Variants in INTS2 observed in about 807,000 individuals in gnomAD.
The protein encoded by INTS2 is integrator complex subunit 2, also known as KIAA1287.
In INTS2, 57 loss-of-function variants were observed where a neutral mutation model predicts 139.6. That is an observed-to-expected ratio of 0.41 (90% CI 0.33 to 0.51). The LOEUF is 0.51. Ranked by LOEUF, INTS2 falls within the 20% of genes least tolerant of loss-of-function variation. The probability of loss-of-function intolerance (pLI) is 0.28; values close to 1 mark genes in which losing one functional copy is unlikely to be tolerated. For synonymous variants in INTS2, 473 were observed against 493.4 expected (o/e 0.96, Z 0.55); for missense variants, 1,196 against 1,436.7 (o/e 0.83, Z 2.71).
intron 8 of INTS2, among the ~76,000 whole-genome samples, chr17:61,907,049 C>T (rs184070779): frequency 1.5e-4 from 22 of 142,198 alleles, no homozygotes; most frequent in Admixed American, 5.0e-4. Context: ...TAAAAGGAAA[C>T]AAAGGAGAGA....
chr17:61,919,453 C>A lies in INTS2; in HGVS notation c.596G>T (p.Gly199Val), dbSNP rs1336083118. Residue 199 changes from glycine to valine, a missense_variant, in exon 5 of 25, where the codon GGT (glycine) becomes GTT (valine). Gly to Val is a moderately radical substitution (Grantham distance 109). Around this residue, in one of 3 missense-constraint regions of INTS2, gnomAD observed 1,129 missense variants for 1,341.9 expected, o/e 0.84. Transcript: ENST00000251334. Reference protein sequence around the residue: ...VAEALLHVRNGAWFLCLLVAN... With the variant: ...VAEALLHVRNVAWFLCLLVAN... ...CACCAAGAGACACAAGAACCAGGCA[C>A]CATTTCTAACATGTAGCAAAGCTTC... is the stretch of plus-strand genomic sequence containing the variant. 6.2e-7 allele frequency: 1 copy of A among 1,603,158 alleles called. No homozygotes were observed. The highest frequency in any genetic ancestry group is 1.3e-5 in the African/African-American group (1 of 74,712).
In INTS2 at chr17:61,921,731, G is replaced by A. The variant is rs1157814368; in HGVS notation, c.529C>T (p.Gln177Ter). The change falls in exon 4 of 25, where the codon CAA becomes TAA. Residue 177 changes from glutamine to a stop codon, truncating the protein, a stop_gained. Coordinates refer to ENST00000251334, the MANE Select transcript of INTS2 (RefSeq NM_001351695.2). LOFTEE classifies it high-confidence loss of function. ...TTAGCACTCAGTACAGTACCTGCTT[G>A]TAAAATACAAAGTACATCTGCAGCT... ...EEAADVLCILQAELPSLLPIV... is the reference protein window; with the variant it reads ...EEAADVLCIL 6.4e-7 allele frequency: 1 copy of A among 1,564,888 alleles called. No homozygotes were observed. The highest frequency in any genetic ancestry group is 8.7e-7 in the Non-Finnish European group (1 of 1,145,264).
At chr17:61,922,831 AC>A (rs1227934672) in intron 3 of INTS2, among the ~76,000 whole-genome samples, 9 of 151,968 alleles carry the variant, frequency 5.9e-5, no homozygotes, top group Admixed American at 5.9e-4. Context: ...TAATCTCAGA[AC>A]TTTGGGAGGC....
Position 61,893,805 on chromosome 17 carries a change from A to G in INTS2, c.1658T>C (p.Leu553Pro). The change falls in exon 13 of 25, where the codon CTC becomes CCC. Residue 553 changes from leucine (L) to proline (P), a missense_variant. Leu to Pro is a moderately conservative substitution (Grantham distance 98, BLOSUM62 -3). Coordinates refer to ENST00000251334, the MANE Select transcript of INTS2 (RefSeq NM_001351695.2). The surrounding 1 kb of genome is among the most constrained non-coding windows in gnomAD (Gnocchi z 5.4). ...FLPIHCIYQL[L>P]RSRSFTKHKV... ...GTGCTTGGTAAAGGAACGGCTCCTG[A>G]GAAGCTGGTAAATACAATGAATAGG... 1 of 1,587,300 alleles carries G rather than the reference A, an allele frequency of 6.3e-7. No homozygotes were observed. Among genetic ancestry groups the G allele is most frequent in the Non-Finnish European group, 8.6e-7 (1 of 1,165,656 alleles).
At chr17:61,896,630 T>C (rs191911320) in intron 11 of INTS2, among the ~76,000 whole-genome samples, 17 of 152,254 alleles carry the variant, frequency 1.1e-4, no homozygotes, top group East Asian at 9.6e-4. Context: ...TGATCAGCTT[T>C]TCACAAAAGA....
rs192203233 is a variant in INTS2 at position 61,890,312 on chromosome 17, C to T, written c.1876-418G>A. ...CAAACTGGGGAAAAAATACTTTCAT[C>T]AAATTTTCCCTGAATGAGCCAGGAG... is the stretch of plus-strand genomic sequence containing the variant. On this transcript the variant is annotated intron_variant, in intron 14 of 24. Coordinates refer to ENST00000251334, the MANE Select transcript of INTS2 (RefSeq NM_001351695.2). 3.9e-4 allele frequency among the ~76,000 whole-genome samples: 60 copies of T among 152,162 alleles called. No individual in the cohort carries two copies. In the East Asian group the frequency reaches 9.9e-3, roughly 25 times the overall value.
chr17:61,900,093 A>G (rs1437711031), intron 9 of INTS2, among the ~76,000 whole-genome samples: 5 of 152,176 alleles, frequency 3.3e-5, no homozygotes, highest in African/African-American at 1.2e-4. Flanking sequence ...TTGAGGAGGG[A>G]CAACACCACA....
chr17:61,875,435 T>G lies in INTS2; in HGVS notation c.2457-397A>C, dbSNP rs1455978627. 6.6e-6 allele frequency among the ~76,000 whole-genome samples: 1 copy of G among 152,222 alleles called. No individual in the cohort carries two copies. Among genetic ancestry groups the G allele is most frequent in the Non-Finnish European group, 1.5e-5 (1 of 68,028 alleles). On this transcript the variant is annotated intron_variant, in intron 18 of 24. Coordinates refer to ENST00000251334, the MANE Select transcript of INTS2 (RefSeq NM_001351695.2). The surrounding 1 kb of genome is among the most constrained non-coding windows in gnomAD (Gnocchi z 4.6). ...AAATGAAATAAGACTTGCCAAAACA[T>G]TCTGTATCTAGTTCCATAAATATAA...
At chr17:61,925,204 G>T in intron 2 of INTS2, 105 bp from the exon 3 acceptor site, 1 of 1,031,386 alleles carries the variant, frequency 9.7e-7, no homozygotes, top group Non-Finnish European at 1.4e-6. Flanking sequence ...TGTATAAAGT[G>T]TTCTAAAATG....
In INTS2 at chr17:61,867,302, G is replaced by T. The variant is rs553665221; in HGVS notation, c.*255C>A. Reference sequence around the variant, plus strand: ...TTCCAATAATGAGTTTCTTACATGTGTTCCCAGTGGAAAAAAAAAAAGCTC... The same window carrying T: ...TTCCAATAATGAGTTTCTTACATGTTTTCCCAGTGGAAAAAAAAAAAGCTC... On this transcript the variant is annotated 3_prime_UTR_variant, in exon 25 of 25. Coordinates refer to ENST00000251334, the MANE Select transcript of INTS2 (RefSeq NM_001351695.2). The surrounding 1 kb of genome is among the most constrained non-coding windows in gnomAD (Gnocchi z 5.6). The T allele has an allele frequency of 3.9e-6, 1 of 254,934 alleles. No individual in the cohort carries two copies. Among genetic ancestry groups the T allele is most frequent in the Non-Finnish European group, 7.4e-6 (1 of 135,276 alleles). The allele number at this position is 254,934 out of a possible 1,614,324, so 15.8% of individuals were successfully genotyped here. A position where few individuals can be genotyped will look rare whatever the true frequency, so the allele number is the denominator to read the frequency against.
rs1052161965 is a variant in INTS2, at chr17:61,865,517, C to T, written c.*2040G>A. The T allele has an allele frequency of 1.3e-5, 2 of 152,574 alleles. No individual in the cohort carries two copies. Among genetic ancestry groups the T allele is most frequent in the Non-Finnish European group, 2.9e-5 (2 of 68,030 alleles). The allele number at this position is 152,574 out of a possible 1,614,324, so 9.5% of individuals were successfully genotyped here. On this transcript the variant is annotated 3_prime_UTR_variant, in exon 25 of 25. Coordinates refer to ENST00000251334, the MANE Select transcript of INTS2 (RefSeq NM_001351695.2). The surrounding 1 kb of genome is among the most constrained non-coding windows in gnomAD (Gnocchi z 4.8). ...ATTAACATTTACTAATATATTTACA[C>T]ATTTTATTTACATCATCAACAAATC...
At chr17:61,891,812 C>T in intron 13 of INTS2, 123 bp from the exon 14 acceptor site, 1 of 676,010 alleles carries the variant, frequency 1.5e-6, no homozygotes, top group South Asian at 2.3e-5. Context: ...TAACTTTTGG[C>T]AGTTCCAAAT....
chr17:61,877,890 C>G lies in INTS2; in HGVS notation c.2453G>C (p.Arg818Thr). 1 of 1,606,146 alleles carries G rather than the reference C, an allele frequency of 6.2e-7. No individual in the cohort carries two copies. Among genetic ancestry groups the G allele is most frequent in the Non-Finnish European group, 8.5e-7 (1 of 1,172,804 alleles). The change falls in exon 18 of 25, where the codon AGA (arginine) becomes ACA (threonine). Residue 818 changes from arginine to threonine, a missense_variant. Physicochemically the swap from Arg to Thr is moderately conservative, Grantham distance 71 (BLOSUM62 -1). Around this residue, in one of 3 missense-constraint regions of INTS2, gnomAD observed 1,129 missense variants for 1,341.9 expected, o/e 0.84. Transcript: ENST00000251334. Reference sequence around the variant, plus strand: ...TGTAACAATACACTGAATTTACCTTCTAGGCATCACAGTATTAAGAACCAT... The same window carrying G: ...TGTAACAATACACTGAATTTACCTTGTAGGCATCACAGTATTAAGAACCAT... Reference protein sequence around the residue: ...LWMVLNTVMPRRLWVMTVNAL... With the variant: ...LWMVLNTVMPTRLWVMTVNAL...
In INTS2 at chr17:61,909,961, G is replaced by T. The variant is rs1003145032; in HGVS notation, c.954+1559C>A. 6.6e-6 allele frequency among the ~76,000 whole-genome samples: 1 copy of T among 152,056 alleles called. No homozygotes were observed. Among genetic ancestry groups the T allele is most frequent in the Non-Finnish European group, 1.5e-5 (1 of 68,004 alleles). On this transcript the variant is annotated intron_variant, in intron 7 of 24. Coordinates refer to ENST00000251334, the MANE Select transcript of INTS2 (RefSeq NM_001351695.2). This position sits in a 1 kb window ranked among gnomAD's most constrained non-coding sequence, Gnocchi z 4.9. ...ATAGTGCTGAAATAAACATACAAGTGTAGGTACATTTTTTATATAATGATT... is the reference window on the plus strand; with the variant it reads ...ATAGTGCTGAAATAAACATACAAGTTTAGGTACATTTTTTATATAATGATT...
chr17:61,891,458 TAAG>T, intron 14 of INTS2, 52 bp downstream of exon 14: 1 of 1,333,618 alleles, frequency 7.5e-7, no homozygotes, highest in Non-Finnish European at 1.1e-6. Context: ...ATGGGTTAAG[TAAG>T]AAGAACTAAA....
At chr17:61,894,071 C>CAA (rs763635781) in intron 12 of INTS2, 172 bp from the exon 13 acceptor site, 1 of 425,114 alleles carries the variant, frequency 2.4e-6, no homozygotes, top group Non-Finnish European at 4.1e-6. Flanking sequence ...AGGAAATGTA[C>CAA]ATTTAGGGAT....
At chr17:61,913,576 A>C (rs1227075775) in intron 5 of INTS2, among the ~76,000 whole-genome samples, 1 of 152,168 alleles carries the variant, frequency 6.6e-6, no homozygotes, top group Admixed American at 6.5e-5. Flanking sequence ...TTGGCCTCCC[A>C]AAGTGCTGGG....
In INTS2 at chr17:61,874,901, A is replaced by T; in HGVS notation, c.2582+12T>A. On this transcript the variant is annotated intron_variant, in intron 19 of 24. Coordinates refer to ENST00000251334, the MANE Select transcript of INTS2 (RefSeq NM_001351695.2). ...AGCTCTATAATAAAAATGAAACTCA[A>T]ATGACATGTACCTGTGAACCCTCTG... 6.4e-7 allele frequency: 1 copy of T among 1,553,742 alleles called. No homozygotes were observed. Among genetic ancestry groups the T allele is most frequent in the Non-Finnish European group, 8.7e-7 (1 of 1,152,022 alleles).
intron 9 of INTS2, among the ~76,000 whole-genome samples, chr17:61,900,358 T>A (rs2079392115): frequency 1.3e-5 from 2 of 152,176 alleles, no homozygotes; most frequent in Admixed American, 1.3e-4. Flanking sequence ...TACCCTTCCC[T>A]CAGCAGAGAG....
Sources: allele counts gnomAD v4.1 joint callset (sites outside exome capture counted in the v4.1 genomes callset), GRCh38; gene constraint gnomAD v4.1.1; regional missense constraint gnomAD v4.1.1; non-coding constraint Gnocchi (gnomAD v3.1); transcripts MANE v1.5; gene names NCBI Gene and HGNC (gene_info 2026-07-23, HGNC 2026-07-21).